USP47: variants seen among roughly 807,000 people sequenced by gnomAD.
The protein encoded by USP47 is ubiquitin carboxyl-terminal hydrolase 47.
Under a neutral mutation model 165.1 loss-of-function variants are expected in USP47, and 35 were observed. That is an observed-to-expected ratio of 0.21 (90% CI 0.16 to 0.28). USP47 has a LOEUF of 0.28. Ranked by LOEUF, USP47 falls within the 10% of genes least tolerant of loss-of-function variation. The probability of loss-of-function intolerance (pLI) is 1.00; values close to 1 mark genes in which losing one functional copy is unlikely to be tolerated. For synonymous variants in USP47, 531 were observed against 544.5 expected, an observed-to-expected ratio of 0.98 and a Z score of 0.35; for missense variants, 1,277 against 1,607.4, an observed-to-expected ratio of 0.79 and a Z score of 3.52.
In USP47 at chr11:11,897,583, T is replaced by C. The variant is rs770954161; in HGVS notation, c.497-14T>C. On this transcript the variant is annotated splice_polypyrimidine_tract_variant and intron_variant, in intron 4 of 27. Coordinates refer to ENST00000527733, the MANE Select transcript of USP47 (RefSeq NM_001282659.2). Reference sequence around the variant, plus strand: ...AAATGCTGATTAATGTACATTTGTATTTTCTCTTTAAAGGATATGTGGGAC... The same window carrying C: ...AAATGCTGATTAATGTACATTTGTACTTTCTCTTTAAAGGATATGTGGGAC... 8.0e-5 allele frequency: 125 copies of C among 1,561,082 alleles called. No individual in the cohort carries two copies. The highest frequency in any genetic ancestry group is 1.1e-4 in the African/African-American group (8 of 72,896).
At chr11:11,918,693 A>G (rs1006448649) in intron 8 of USP47, among the ~76,000 whole-genome samples, 1 of 152,012 alleles carries the variant, frequency 6.6e-6, no homozygotes, top group Non-Finnish European at 1.5e-5. Flanking sequence ...TCCAAGTTTT[A>G]ATTTTTTTTA....
At chr11:11,950,085 C>A in intron 23 of USP47, 81 bp downstream of exon 23, 1 of 1,051,606 alleles carries the variant, frequency 9.5e-7, no homozygotes, top group Non-Finnish European at 1.4e-6. Context: ...TTTTCTAAAA[C>A]TAGGAGAATT....
rs1848685062 is a variant in USP47, at chr11:11,850,838, GTCTGGT to G, written c.39+8615_39+8620del. ...AGATAAAGGTGCCGGCAGATTTGGT[GTCTGGT>G]AAAAGCCTGCTTTCTGGTTCACAGA... On this transcript the variant is annotated intron_variant, in intron 1 of 27. Transcript: ENST00000527733. Among the ~76,000 whole-genome samples the G allele has an allele frequency of 2.6e-5, 4 of 152,318 alleles. No homozygotes were observed. The South Asian group carries it at 6.2e-4, about 24-fold the overall frequency.
intron 2 of USP47, among the ~76,000 whole-genome samples, chr11:11,882,581 T>G (rs1850902137): frequency 1.3e-5 from 2 of 152,166 alleles, no homozygotes; most frequent in Admixed American, 1.3e-4. Flanking sequence ...TCCAGTGTTG[T>G]CCTTTTTCAG....
In USP47 at chr11:11,842,042, G is replaced by A; in HGVS notation, c.-144G>A. 2 of 1,018,540 alleles carry A rather than the reference G, an allele frequency of 2.0e-6. No individual in the cohort carries two copies. Among genetic ancestry groups the A allele is most frequent in the Non-Finnish European group, 2.8e-6 (2 of 711,050 alleles). The allele number at this position is 1,018,540 out of a possible 1,614,324, so 63.1% of individuals were successfully genotyped here. A position where few individuals can be genotyped will look rare whatever the true frequency, so the allele number is the denominator to read the frequency against. ...GGTCGGTGTCTGCGCGCTGGTGTCT[G>A]AGGCCCAGGCTGAGGCCTCCGCTAT... On this transcript the variant is annotated 5_prime_UTR_variant, in exon 1 of 28. Transcript: ENST00000527733.
intron 11 of USP47, among the ~76,000 whole-genome samples, chr11:11,923,293 T>C (rs1292884705): frequency 6.6e-6 from 1 of 151,632 alleles, no homozygotes; most frequent in Non-Finnish European, 1.5e-5. Flanking sequence ...AAAAGTAAAA[T>C]GTTGGATTAG....
Position 11,956,281 on chromosome 11 carries a change from G to T in USP47, c.*106G>T. The T allele has an allele frequency of 7.9e-7, 1 of 1,264,040 alleles. No individual in the cohort carries two copies. The highest frequency in any genetic ancestry group is 1.1e-6 in the Non-Finnish European group (1 of 891,816). The allele number at this position is 1,264,040 out of a possible 1,614,324, so 78.3% of individuals were successfully genotyped here. On this transcript the variant is annotated 3_prime_UTR_variant, in exon 28 of 28. Transcript: ENST00000527733. ...CCGGACATGGTTGGGGTAACCCAGTGACACCAGCACTGATTGGACTGCCCT... is the reference window on the plus strand; with the variant it reads ...CCGGACATGGTTGGGGTAACCCAGTTACACCAGCACTGATTGGACTGCCCT...
chr11:11,944,469 A>G (rs1161702155), intron 20 of USP47, among the ~76,000 whole-genome samples: 2 of 152,188 alleles, frequency 1.3e-5, no homozygotes, highest in Non-Finnish European at 2.9e-5. Context: ...AACAAAATAG[A>G]GGGAAATCGT....
At chr11:11,943,262 C>T (rs1215485763) in intron 20 of USP47, 150 bp downstream of exon 20, 1 of 841,864 alleles carries the variant, frequency 1.2e-6, no homozygotes. Flanking sequence ...GTAATGAACA[C>T]TGTTCTTAGA....
chr11:11,907,243 T>G (rs1272522359), intron 8 of USP47, among the ~76,000 whole-genome samples: 3 of 152,188 alleles, frequency 2.0e-5, no homozygotes, highest in Non-Finnish European at 4.4e-5. Flanking sequence ...GGTAGTATCC[T>G]CCACTGATGA....
chr11:11,902,931 C>A, intron 6 of USP47, 71 bp downstream of exon 6: 1 of 1,397,968 alleles, frequency 7.2e-7, no homozygotes, highest in Non-Finnish European at 9.5e-7. Context: ...ATATTACAAA[C>A]ACATTACACA....
At chr11:11,861,595 A>G (rs565946424) in intron 1 of USP47, among the ~76,000 whole-genome samples, 255 of 152,334 alleles carry the variant, frequency 1.7e-3, no homozygotes, top group Non-Finnish European at 2.5e-3. Flanking sequence ...AATAAATTAC[A>G]TAGGATCAAA....
chr11:11,912,618 C>G (rs1437154076), intron 8 of USP47, among the ~76,000 whole-genome samples: 1 of 151,714 alleles, frequency 6.6e-6, no homozygotes, highest in Non-Finnish European at 1.5e-5. Context: ...ACAGTGAACA[C>G]CAGGTCTGTA....
chr11:11,882,433 ATTTGT>A (rs1564862753), intron 2 of USP47, among the ~76,000 whole-genome samples: 1 of 152,094 alleles, frequency 6.6e-6, no homozygotes, highest in African/African-American at 2.4e-5. Context: ...TCCATAATAT[ATTTGT>A]TTTTTTAAAA....
intron 6 of USP47, 52 bp from the exon 7 acceptor site, chr11:11,903,211 T>C (rs917400649): frequency 2.0e-6 from 3 of 1,533,432 alleles, no homozygotes; most frequent in Non-Finnish European, 2.7e-6. Flanking sequence ...AACAGATTGT[T>C]TCATTACATA....
At chr11:11,877,236 T>C (rs72856359) in intron 1 of USP47, among the ~76,000 whole-genome samples, 21,721 of 152,118 alleles carry the variant, frequency 0.14, 1,839 homozygotes, top group Middle Eastern at 0.39. Flanking sequence ...GTTCCCAAAC[T>C]GGAGAGGGGA....
intron 2 of USP47, among the ~76,000 whole-genome samples, chr11:11,883,549 A>G (rs1485434712): frequency 6.6e-6 from 1 of 152,186 alleles, no homozygotes; most frequent in Non-Finnish European, 1.5e-5. Flanking sequence ...ATTTCCTAAG[A>G]AATAAAGGCA....
intron 2 of USP47, 86 bp downstream of exon 2, chr11:11,880,466 C>T: frequency 9.3e-7 from 1 of 1,076,092 alleles, no homozygotes; most frequent in Non-Finnish European, 1.2e-6. Context: ...TCCTGGAACT[C>T]TTAAAATCAT....
intron 20 of USP47, among the ~76,000 whole-genome samples, chr11:11,945,113 A>G (rs1304298008): frequency 6.6e-6 from 1 of 152,206 alleles, no homozygotes; most frequent in Admixed American, 6.5e-5. Flanking sequence ...GGGCTTTTAG[A>G]AGCCATAGAA....
Sources: gnomAD v4.1 joint callset for allele counts (sites outside exome capture counted in the v4.1 genomes callset) on GRCh38, gnomAD v4.1.1 for gene constraint, MANE v1.5 for transcripts, NCBI Gene and HGNC (gene_info 2026-07-23, HGNC 2026-07-21) for gene names.